Variants in C1QTNF12 observed in about 807,000 individuals in gnomAD.
The protein encoded by C1QTNF12 is C1q and TNF related 12.
Under a neutral mutation model 34.3 loss-of-function variants are expected in C1QTNF12, and 39 were observed. The ratio of observed to expected loss-of-function variants is 1.14; its 90% confidence interval spans 0.88 to 1.49. The LOEUF (loss-of-function observed/expected upper bound fraction) is 1.49, where lower values mean the gene tolerates loss of function less well. C1QTNF12 is among the 40% of genes most tolerant of loss of function. The pLI is 0.00. For synonymous variants in C1QTNF12, 220 were observed against 196.9 expected, an observed-to-expected ratio of 1.12 and a Z score of -0.98; for missense variants, 497 against 424.7, an observed-to-expected ratio of 1.17 and a Z score of -1.50.
upstream of C1QTNF12, chr1:1,246,744 A>C: frequency 8.6e-7 from 1 of 1,158,992 alleles, no homozygotes; most frequent in Non-Finnish European, 1.1e-6. The surrounding 1 kb of genome is among the most constrained non-coding windows in gnomAD (Gnocchi z 4.5). Context: ...GGGCGCAGTC[A>C]TGGGGACGGC....
Position 1,244,423 on chromosome 1 carries a change from GTCGTCCGGCC to G in C1QTNF12, c.242_251del (p.Arg81ProfsTer4), listed in dbSNP as rs2101006565. Reference sequence around the variant, plus strand: ...TTCCGCACCGCTTCCTTAAGGCGCCGTCGTCCGGCCGCCGGACAAAGTTCAGCCATGTCAT... The same window carrying G: ...TTCCGCACCGCTTCCTTAAGGCGCCGGCCGGACAAAGTTCAGCCATGTCAT... On this transcript the variant is annotated frameshift_variant, in exon 2 of 8. Coordinates refer to ENST00000330388, the MANE Select transcript of C1QTNF12 (RefSeq NM_001014980.3). LOFTEE classifies it high-confidence loss of function. 5 of 1,611,896 alleles carry G rather than the reference GTCGTCCGGCC, an allele frequency of 3.1e-6. No individual in the cohort carries two copies. The highest frequency in any genetic ancestry group is 4.2e-6 in the Non-Finnish European group (5 of 1,179,526).
Position 1,244,000 on chromosome 1 carries a change from C to T in C1QTNF12, c.485G>A (p.Arg162His), listed in dbSNP as rs542889657. 55 of 1,605,756 alleles carry T rather than the reference C, an allele frequency of 3.4e-5. No homozygotes were observed. The East Asian group carries it at 3.8e-4, about 11-fold the overall frequency. Residue 162 changes from arginine (R) to histidine (H), a missense_variant, in exon 4 of 8, where the codon CGC (arginine) becomes CAC (histidine). Arg to His is a conservative substitution (Grantham distance 29). Transcript: ENST00000330388. ...CACCAGCGTCCGCTTGTCCACCCGG[C>T]GGGGACCCTGCAGCCGGCAGTGAAA... Reference protein sequence around the residue: ...EAFHCRLQGPRRVDKRTLVEL... With the variant: ...EAFHCRLQGPHRVDKRTLVEL...
Position 1,246,467 on chromosome 1 carries a change from G to C in C1QTNF12, c.177+47C>G. 1 of 1,225,642 alleles carries C rather than the reference G, an allele frequency of 8.2e-7. No individual in the cohort carries two copies. 75.9% of individuals were successfully genotyped at this position (1,225,642 alleles called of 1,614,324 possible). ...TGGGGGAGGACGCCCCAGAGCCCCA[G>C]CTCCGAAGCTGCCCCGCGAGGGCCC... is the stretch of plus-strand genomic sequence containing the variant. On this transcript the variant is annotated intron_variant, in intron 1 of 7. Coordinates refer to ENST00000330388, the MANE Select transcript of C1QTNF12 (RefSeq NM_001014980.3). This position sits in a 1 kb window ranked among gnomAD's most constrained non-coding sequence, Gnocchi z 4.5.
Position 1,243,954 on chromosome 1 carries a change from A to C in C1QTNF12, c.531T>G (p.Ala177=). The C allele has an allele frequency of 6.2e-7, 1 of 1,607,878 alleles. No individual in the cohort carries two copies. The highest frequency in any genetic ancestry group is 8.5e-7 in the Non-Finnish European group (1 of 1,177,968). The change falls in exon 4 of 8, where the codon GCT becomes GCG. Residue 177 remains alanine, a splice_region_variant and synonymous_variant. Coordinates refer to ENST00000330388, the MANE Select transcript of C1QTNF12 (RefSeq NM_001014980.3). ...GCTCTAAGCTCCCGGCTCCACTCAC[A>C]GCCTGGAAACCATGCAGCTCCACCA... ...RTLVELHGFQ[A]PAAQGAFLRG... is the part of the protein sequence containing the mutation.
Position 1,244,401 on chromosome 1 carries a change from C to A in C1QTNF12, c.274G>T (p.Gly92Ter). ...CTCACCGGCTTCTTGTCCCTGCTTC[C>A]GCACCGCTTCCTTAAGGCGCCGTCG... The part of the protein sequence containing the change: ...PDDGALRKRC[G>*]SRDKKPRDLF... Residue 92 changes from glycine to a stop codon, truncating the protein, a stop_gained, in exon 2 of 8, where the codon GGA becomes TGA. Transcript: ENST00000330388. LOFTEE classifies it high-confidence loss of function. 1 of 1,611,766 alleles carries A rather than the reference C, an allele frequency of 6.2e-7. No individual in the cohort carries two copies. The highest frequency in any genetic ancestry group is 8.5e-7 in the Non-Finnish European group (1 of 1,179,456).
chr1:1,244,141 A>C, intron 3 of C1QTNF12, 36 bp from the exon 4 acceptor site: 1 of 1,559,810 alleles, frequency 6.4e-7, no homozygotes, highest in Non-Finnish European at 8.7e-7. Context: ...CAGCAGGGTC[A>C]GCACAGGGCC....
chr1:1,246,407 G>A lies in C1QTNF12; in HGVS notation c.177+107C>T, dbSNP rs111517457. ...CCGTGGCCGAGGCCTCGAAAAGGGC[G>A]ACCCGGAGGCAGAGCCGGCAGGGAC... On this transcript the variant is annotated intron_variant, in intron 1 of 7. Coordinates refer to ENST00000330388, the MANE Select transcript of C1QTNF12 (RefSeq NM_001014980.3). This position sits in a 1 kb window ranked among gnomAD's most constrained non-coding sequence, Gnocchi z 4.5. 2,367 of 1,011,870 alleles carry A rather than the reference G, an allele frequency of 2.3e-3. 32 individuals carry two copies. In the African/African-American group the frequency reaches 0.032, roughly 14 times the overall value. The allele number at this position is 1,011,870 out of a possible 1,614,324, so 62.7% of individuals were successfully genotyped here.
At position 1,243,488 on chromosome 1, in the gene C1QTNF12, G is replaced by T. The variant is rs1179359367; in HGVS notation, c.596C>A (p.Ala199Asp). 1 of 1,560,366 alleles carries T rather than the reference G, an allele frequency of 6.4e-7. No individual in the cohort carries two copies. The highest frequency in any genetic ancestry group is 1.9e-5 in the Admixed American group (1 of 52,906). ...GLSLASGRFT[A>D]PVSGIFQFSA... ...GAACTGGAAGATGCCGGACACGGGG[G>T]CCGTGAACCGACCCGAGGCCAGGCT... Residue 199 changes from alanine (A) to aspartate (D), a missense_variant, in exon 5 of 8, where the codon GCC becomes GAC. Ala to Asp is a moderately radical substitution (Grantham distance 126). Transcript: ENST00000330388.
At chr1:1,245,587 C>T (rs965568608) in intron 1 of C1QTNF12, among the ~76,000 whole-genome samples, 4 of 151,866 alleles carry the variant, frequency 2.6e-5, no homozygotes, top group East Asian at 2.0e-4. Context: ...GGGACTGGCC[C>T]GGACTGCTGA....
In C1QTNF12 at chr1:1,244,206, G is replaced by GA; in HGVS notation, c.363dup (p.Gln122SerfsTer96). 1 of 1,591,806 alleles carries GA rather than the reference G, an allele frequency of 6.3e-7. No individual in the cohort carries two copies. Among genetic ancestry groups the GA allele is most frequent in the Non-Finnish European group, 8.6e-7 (1 of 1,169,230 alleles). ...GGCGGCTGACCTTTCAGCAGCTCCT[G>GA]AAACTCGTGAAGCAGAGTCTCCGCG... On this transcript the variant is annotated frameshift_variant, in exon 3 of 8. Transcript: ENST00000330388. LOFTEE classifies it high-confidence loss of function.
rs368696075 is a variant in C1QTNF12, at chr1:1,243,043, G to A, written c.731+19C>T. Reference sequence around the variant, plus strand: ...TGGTCCGGGGGCTGCCGCCTGGAGCGGGGGCTGAGGTCACTCACGTGTGGC... The same window carrying A: ...TGGTCCGGGGGCTGCCGCCTGGAGCAGGGGCTGAGGTCACTCACGTGTGGC... On this transcript the variant is annotated intron_variant, in intron 6 of 7. Transcript: ENST00000330388. The A allele has an allele frequency of 1.6e-4, 244 of 1,567,206 alleles. 2 individuals carry two copies. In the South Asian group the frequency reaches 1.9e-3, roughly 12 times the overall value.
chr1:1,246,006 G>A lies in C1QTNF12; in HGVS notation c.177+508C>T, dbSNP rs770534402. 2.6e-5 allele frequency among the ~76,000 whole-genome samples: 4 copies of A among 152,012 alleles called. No individual in the cohort carries two copies. Among genetic ancestry groups the A allele is most frequent in the African/African-American group, 4.8e-5 (2 of 41,374 alleles). On this transcript the variant is annotated intron_variant, in intron 1 of 7. Transcript: ENST00000330388. The surrounding 1 kb of genome is among the most constrained non-coding windows in gnomAD (Gnocchi z 4.5). The stretch of plus-strand genomic sequence containing the variant: ...TTGTGAGGACGCCCGGCCTGACTGG[G>A]GCCCCAGGACTTAACCCGCAAGAGG...
At chr1:1,243,609 C>T (rs1638801784) in intron 4 of C1QTNF12, 57 bp from the exon 5 acceptor site, 1 of 1,412,746 alleles carries the variant, frequency 7.1e-7, no homozygotes, top group South Asian at 1.2e-5. Context: ...CCCCACAGAC[C>T]CCGCCTGGGG....
chr1:1,246,637 C>A lies in C1QTNF12; in HGVS notation c.54G>T (p.Val18=). ...AVVVLLGPQL[V]LLGGVGARRE... ...GCCGGGCCCCGACGCCCCCGAGGAG[C>A]ACGAGCTGCGGCCCGAGGAGGACCA... Residue 18 remains valine (V), a synonymous_variant, in exon 1 of 8, where the codon GTG becomes GTT. Transcript: ENST00000330388. This position sits in a 1 kb window ranked among gnomAD's most constrained non-coding sequence, Gnocchi z 4.5. 2 of 1,237,314 alleles carry A rather than the reference C, an allele frequency of 1.6e-6. No homozygotes were observed. Among genetic ancestry groups the A allele is most frequent in the South Asian group, 3.7e-5 (1 of 26,928 alleles). 76.6% of individuals were successfully genotyped at this position (1,237,314 alleles called of 1,614,324 possible).
At chr1:1,243,319 G>T in intron 5 of C1QTNF12, 125 bp downstream of exon 5, 2 of 1,055,408 alleles carry the variant, frequency 1.9e-6, no homozygotes, top group Non-Finnish European at 2.8e-6. Flanking sequence ...CCAGTCCAAG[G>T]CCCCCCATGG....
rs1445030117 is a variant in C1QTNF12, at chr1:1,246,172, G to A, written c.177+342C>T. ...AAGCAGCCGGAACCACCCCACCCCC[G>A]CCCCCAAATCAGCAATTAACCTAAT... is the stretch of plus-strand genomic sequence containing the variant. On this transcript the variant is annotated intron_variant, in intron 1 of 7. Transcript: ENST00000330388. The surrounding 1 kb of genome is among the most constrained non-coding windows in gnomAD (Gnocchi z 4.5). Among the ~76,000 whole-genome samples, 2 of 59,956 alleles carry A rather than the reference G, an allele frequency of 3.3e-5. No homozygotes were observed. Among genetic ancestry groups the A allele is most frequent in the Non-Finnish European group, 7.1e-5 (2 of 28,168 alleles). 39.3% of individuals were successfully genotyped at this position (59,956 alleles called of 152,430 possible). A position where few individuals can be genotyped will look rare whatever the true frequency, so the allele number is the denominator to read the frequency against.
Position 1,244,074 on chromosome 1 carries a change from C to A in C1QTNF12, c.411G>T (p.Leu137=). 1 of 1,594,402 alleles carries A rather than the reference C, an allele frequency of 6.3e-7. No individual in the cohort carries two copies. The highest frequency in any genetic ancestry group is 8.5e-7 in the Non-Finnish European group (1 of 1,170,958). ...CCGCCCCCTGGGGCAGCAGCGGGTC[C>A]AGAAGCCCTGAGAACCGGCGCTCCG... is the stretch of plus-strand genomic sequence containing the variant. ...EATERRFSGL[L]DPLLPQGAGL... The change falls in exon 4 of 8, where the codon CTG becomes CTT. Residue 137 remains leucine (L), a synonymous_variant. Transcript: ENST00000330388.
At chr1:1,244,126 G>T (rs775891830) in intron 3 of C1QTNF12, 21 bp from the exon 4 acceptor site, 4 of 1,564,890 alleles carry the variant, frequency 2.6e-6, no homozygotes, top group East Asian at 2.3e-5. Context: ...GAGGGCACAG[G>T]CGGCCAGCAG....
In C1QTNF12 at chr1:1,243,262, C is replaced by G. The variant is rs1638787771; in HGVS notation, c.641-110G>C. The G allele has an allele frequency of 3.8e-6, 4 of 1,065,788 alleles. No individual in the cohort carries two copies. The South Asian group carries it at 6.3e-5, about 17-fold the overall frequency. The allele number at this position is 1,065,788 out of a possible 1,614,324, so 66.0% of individuals were successfully genotyped here. ...ACAGGCCCAGGAGTGGCTGCTGGGG[C>G]TGGGGAGGGGGCGCCTGAGGCCAGG... On this transcript the variant is annotated intron_variant, in intron 5 of 7. Coordinates refer to ENST00000330388, the MANE Select transcript of C1QTNF12 (RefSeq NM_001014980.3).
Sources: gnomAD v4.1 joint callset for allele counts (sites outside exome capture counted in the v4.1 genomes callset) on GRCh38, gnomAD v4.1.1 for gene constraint, Gnocchi (gnomAD v3.1) non-coding constraint, MANE v1.5 for transcripts, NCBI Gene and HGNC (gene_info 2026-07-23, HGNC 2026-07-21) for gene names.